Variants in ZBTB43 observed in about 807,000 individuals in gnomAD.
ZBTB43 encodes zinc finger and BTB domain containing 43, also known as zinc finger and BTB domain-containing protein 43.
In ZBTB43, 6 loss-of-function variants were observed where a neutral mutation model predicts 31.1. The observed-to-expected ratio is 0.19, with a 90% confidence interval of 0.11 to 0.38. The LOEUF (loss-of-function observed/expected upper bound fraction) is 0.38. Among genes scored for constraint, ZBTB43 ranks in the 10% least tolerant of loss-of-function variants. ZBTB43 has a pLI of 1.00. For missense variants in ZBTB43, 379 were observed against 602.1 expected, an observed-to-expected ratio of 0.63 and a Z score of 3.88; for synonymous variants, 212 against 221.7, an observed-to-expected ratio of 0.96 and a Z score of 0.39.
chr9:126,809,116 G>A (rs1049139958), intron 2 of ZBTB43, among the ~76,000 whole-genome samples: 6 of 152,174 alleles, frequency 3.9e-5, no homozygotes, highest in South Asian at 2.1e-4. Flanking sequence ...TTTAATGTCA[G>A]ATAAATTTTT....
At chr9:126,807,929 G>T (rs534971802) in intron 1 of ZBTB43, among the ~76,000 whole-genome samples, 1 of 152,064 alleles carries the variant, frequency 6.6e-6, no homozygotes, top group Non-Finnish European at 1.5e-5. Flanking sequence ...GAGCCACTGC[G>T]CTGGGCCTGA....
chr9:126,815,411 T>C (rs1300828980), intron 2 of ZBTB43, among the ~76,000 whole-genome samples: 1 of 149,644 alleles, frequency 6.7e-6, no homozygotes, highest in Non-Finnish European at 1.5e-5. Context: ...CATAAAACTT[T>C]TTGCCTTCCC....
rs2032802891 is a variant in ZBTB43 at position 126,833,251 on chromosome 9, C to T, written c.742C>T (p.Pro248Ser). ...MAHKRWIHVK[P>S]ERLEQACEGM... Reference sequence around the variant, plus strand: ...TCACAAACGCTGGATCCACGTGAAGCCCGAGCGCTTAGAACAGGCTTGCGA... The same window carrying T: ...TCACAAACGCTGGATCCACGTGAAGTCCGAGCGCTTAGAACAGGCTTGCGA... Residue 248 changes from proline (P) to serine (S), a missense_variant, in exon 3 of 3, where the codon CCC becomes TCC. Around this residue, in one of 5 missense-constraint regions of ZBTB43, gnomAD observed 253 missense variants for 322.3 expected, o/e 0.79. Transcript: ENST00000373464. This position sits in a 1 kb window ranked among gnomAD's most constrained non-coding sequence, Gnocchi z 7.9. The T allele has an allele frequency of 1.2e-6, 2 of 1,613,550 alleles. No homozygotes were observed. The highest frequency in any genetic ancestry group is 3.3e-5 in the Admixed American group (2 of 59,980).
rs543199993 is a variant in ZBTB43, at chr9:126,806,054, G to A, written c.-147+922G>A. ...ACAGGAGGCCCATTTTAGGGCCAGA[G>A]CAGCTTGATGAGTCCTCTCCTTTTC... On this transcript the variant is annotated intron_variant, in intron 1 of 2. Coordinates refer to ENST00000373464, the MANE Select transcript of ZBTB43 (RefSeq NM_014007.4). Among the ~76,000 whole-genome samples the A allele has an allele frequency of 1.3e-3, 202 of 152,364 alleles. 1 individual carries two copies. Among genetic ancestry groups the A allele is most frequent in the Middle Eastern group, 0.01 (3 of 294 alleles).
chr9:126,829,066 G>A (rs1403538086), intron 2 of ZBTB43, among the ~76,000 whole-genome samples: 1 of 152,240 alleles, frequency 6.6e-6, no homozygotes, highest in Non-Finnish European at 1.5e-5. Context: ...TTGTAAGAGT[G>A]TGCTAAGTAG....
chr9:126,806,761 G>C (rs2032135370), intron 1 of ZBTB43, among the ~76,000 whole-genome samples: 2 of 152,162 alleles, frequency 1.3e-5, no homozygotes, highest in African/African-American at 2.4e-5. Context: ...AGTTGAACCT[G>C]TGTTTATTGA....
Position 126,836,801 on chromosome 9 carries a change from G to A in ZBTB43, c.*2888G>A, listed in dbSNP as rs892681148. On this transcript the variant is annotated 3_prime_UTR_variant, in exon 3 of 3. Transcript: ENST00000373464. ...AAAGGGCTTCAAGGCACCACCAGTG[G>A]TATTTAATATTCATACTTGGGGCCA... 2 of 166,578 alleles carry A rather than the reference G, an allele frequency of 1.2e-5. No individual in the cohort carries two copies. The highest frequency in any genetic ancestry group is 1.3e-4 in the Admixed American group (2 of 15,274). The allele number at this position is 166,578 out of a possible 1,614,324, so 10.3% of individuals were successfully genotyped here.
intron 2 of ZBTB43, among the ~76,000 whole-genome samples, chr9:126,826,759 C>A (rs991055500): frequency 1.3e-5 from 2 of 151,814 alleles, no homozygotes; most frequent in Non-Finnish European, 2.9e-5. Context: ...CCACCACGCC[C>A]GACCTCCTGG....
At chr9:126,814,287 A>T (rs2032315009) in intron 2 of ZBTB43, among the ~76,000 whole-genome samples, 2 of 150,742 alleles carry the variant, frequency 1.3e-5, no homozygotes, top group African/African-American at 2.4e-5. Flanking sequence ...TGAAATTTAC[A>T]TCTGTAAAAT....
intron 2 of ZBTB43, among the ~76,000 whole-genome samples, chr9:126,809,150 A>G (rs1238081950): frequency 6.6e-6 from 1 of 152,110 alleles, no homozygotes; most frequent in East Asian, 1.9e-4. Context: ...TTTTTTTCTT[A>G]ACTTAGAAAA....
intron 2 of ZBTB43, among the ~76,000 whole-genome samples, chr9:126,823,098 G>T (rs570949078): frequency 9.9e-5 from 15 of 152,268 alleles, no homozygotes; most frequent in African/African-American, 3.6e-4. Flanking sequence ...AGGTATGCCT[G>T]TATATGTCTT....
At chr9:126,814,696 G>GGCAGGAGAATGGTGTGAAC (rs2032336164) in intron 2 of ZBTB43, among the ~76,000 whole-genome samples, 1 of 152,090 alleles carries the variant, frequency 6.6e-6, no homozygotes, top group Admixed American at 6.6e-5. Context: ...GGGAGGCTGA[G>GGCAGGAGAATGGTGTGAAC]GCAGGAGAAT....
At chr9:126,817,098 A>ATTTTT (rs2032402387) in intron 2 of ZBTB43, among the ~76,000 whole-genome samples, 1 of 81,298 alleles carries the variant, frequency 1.2e-5, no homozygotes, top group African/African-American at 6.2e-5. Context: ...TTTCCACTGT[A>ATTTTT]TCTTTTTTTT....
At chr9:126,809,059 T>A (rs1248842956) in intron 2 of ZBTB43, 144 bp downstream of exon 2, 1 of 152,216 alleles carries the variant, frequency 6.6e-6, no homozygotes, top group Non-Finnish European at 1.5e-5. Context: ...GAAGAGATGT[T>A]ACACCTTCTA....
chr9:126,830,955 C>T (rs573446219), intron 2 of ZBTB43, among the ~76,000 whole-genome samples: 4 of 152,286 alleles, frequency 2.6e-5, no homozygotes, highest in African/African-American at 4.8e-5. Flanking sequence ...GACTTACTAT[C>T]CTCTTTGGTC....
chr9:126,806,894 C>T (rs2032137999), intron 1 of ZBTB43, among the ~76,000 whole-genome samples: 1 of 152,166 alleles, frequency 6.6e-6, no homozygotes, highest in Non-Finnish European at 1.5e-5. Flanking sequence ...CCTCCCTCTG[C>T]CTTTCTTGGA....
intron 2 of ZBTB43, among the ~76,000 whole-genome samples, chr9:126,812,818 C>T (rs1036054924): frequency 2.0e-5 from 3 of 152,080 alleles, no homozygotes; most frequent in Non-Finnish European, 4.4e-5. Context: ...GCAAGTCACT[C>T]ATTAGTTACA....
chr9:126,805,065 C>G lies in ZBTB43; in HGVS notation c.-214C>G, dbSNP rs1360138. 0.13 allele frequency: 19,427 copies of G among 152,494 alleles called. 3,879 individuals are homozygous for G. The highest frequency in any genetic ancestry group is 0.42 in the African/African-American group (17,621 of 41,518). 9.4% of individuals were successfully genotyped at this position (152,494 alleles called of 1,614,324 possible). A position where few individuals can be genotyped will look rare whatever the true frequency, so the allele number is the denominator to read the frequency against. On this transcript the variant is annotated 5_prime_UTR_variant, in exon 1 of 3. Transcript: ENST00000373464. Reference sequence around the variant, plus strand: ...GAATCTGTTGCGGCAGCTGAGGCTACAACAGGCCTGCGCCGGCGGCAGAGA... The same window carrying G: ...GAATCTGTTGCGGCAGCTGAGGCTAGAACAGGCCTGCGCCGGCGGCAGAGA...
upstream of ZBTB43, among the ~76,000 whole-genome samples, chr9:126,804,152 T>C (rs187447657): frequency 1.7e-3 from 255 of 152,166 alleles, 1 homozygote; most frequent in African/African-American, 6.0e-3. Flanking sequence ...GACCTATCTC[T>C]CTTCTACACT....
Sources: allele counts gnomAD v4.1 joint callset (sites outside exome capture counted in the v4.1 genomes callset), GRCh38; gene constraint gnomAD v4.1.1; regional missense constraint gnomAD v4.1.1; non-coding constraint Gnocchi (gnomAD v3.1); transcripts MANE v1.5; gene names NCBI Gene and HGNC (gene_info 2026-07-23, HGNC 2026-07-21).